Variants in TDP2 observed in about 807,000 individuals in gnomAD.
TDP2 encodes the protein tyrosyl-DNA phosphodiesterase 2, also known as 5'-Tyr-DNA phosphodiesterase.
A neutral mutation model predicts 42.8 loss-of-function variants in TDP2; 38 were observed. The observed-to-expected ratio is 0.89, with a 90% CI of 0.68 to 1.16. The LOEUF (loss-of-function observed/expected upper bound fraction) is 1.16. TDP2 is among the 50% of genes most tolerant of loss of function. TDP2 has a pLI of 0.00. For synonymous variants in TDP2, 173 were observed against 150.6 expected (o/e 1.15, Z -1.09); for missense variants, 439 against 439.3 (o/e 1.00, Z 0.01).
At chr6:24,666,136 C>A in intron 2 of TDP2, 4 of 1,548,918 alleles carry the variant, frequency 2.6e-6, no homozygotes, top group South Asian at 2.4e-5. Context: ...TCTGGCCGGT[C>A]AGCCTAGGGC....
In TDP2 at chr6:24,658,572, G is replaced by C; in HGVS notation, c.414C>G (p.Ser138=). ...GTGATAATACTTACAAAGCTAAGTA[G>C]GAACACACCCCTCGAGCCCTCTCTG... ...NLSERARGVC[S]YLALYSPDVI... is the part of the protein sequence containing the mutation. Residue 138 remains serine (S), a synonymous_variant, in exon 3 of 7, where the codon TCC becomes TCG. Coordinates refer to ENST00000378198, the MANE Select transcript of TDP2 (RefSeq NM_016614.3). 3 of 1,610,160 alleles carry C rather than the reference G, an allele frequency of 1.9e-6. No homozygotes were observed. The highest frequency in any genetic ancestry group is 2.5e-6 in the Non-Finnish European group (3 of 1,178,320).
intron 2 of TDP2, chr6:24,659,216 C>G (rs1778103224): frequency 6.6e-6 from 1 of 152,386 alleles, no homozygotes; most frequent in Non-Finnish European, 1.5e-5. Flanking sequence ...ACACCTTGGT[C>G]CACTCCAAAC....
At chr6:24,663,320 A>AT (rs1437854236) in intron 2 of TDP2, among the ~76,000 whole-genome samples, 1 of 146,634 alleles carries the variant, frequency 6.8e-6, no homozygotes, top group Non-Finnish European at 1.5e-5. Context: ...CCATATTACT[A>AT]TCCCCACTGC....
chr6:24,659,245 C>T (rs138667835), intron 2 of TDP2: 4 of 152,264 alleles, frequency 2.6e-5, no homozygotes, highest in Non-Finnish European at 4.4e-5. Flanking sequence ...GTCTCAAGCT[C>T]CAAACTTCTC....
intron 2 of TDP2, 51 bp downstream of exon 2, chr6:24,666,475 G>A (rs1442875799): frequency 1.9e-6 from 3 of 1,576,492 alleles, no homozygotes; most frequent in South Asian, 1.1e-5. Context: ...AGGGCTACCT[G>A]GTATCAAACT....
At chr6:24,656,935 G>A (rs1778069024) in intron 4 of TDP2, among the ~76,000 whole-genome samples, 1 of 152,120 alleles carries the variant, frequency 6.6e-6, no homozygotes, top group Non-Finnish European at 1.5e-5. Context: ...ATCCCCAAGA[G>A]AATACAAAAT....
At position 24,651,003 on chromosome 6, in the gene TDP2, G is replaced by A; in HGVS notation, c.874C>T (p.His292Tyr). The A allele has an allele frequency of 2.5e-6, 4 of 1,613,654 alleles. No homozygotes were observed. Among genetic ancestry groups the A allele is most frequent in the Non-Finnish European group, 3.4e-6 (4 of 1,179,894 alleles). ...TGTGTATCCCATGTATACTGGCAATGTTTAGGTTTGCCCAAAAACTCCCAG... is the reference window on the plus strand; with the variant it reads ...TGTGTATCCCATGTATACTGGCAATATTTAGGTTTGCCCAAAAACTCCCAG... ...DVWEFLGKPKHCQYTWDTQMN... is the reference protein window; with the variant it reads ...DVWEFLGKPKYCQYTWDTQMN... The change falls in exon 7 of 7, where the codon CAT (histidine) becomes TAT (tyrosine). Residue 292 changes from histidine to tyrosine, a missense_variant. Transcript: ENST00000378198.
chr6:24,655,117 ATT>A (rs1019224620), intron 4 of TDP2, among the ~76,000 whole-genome samples: 4 of 152,240 alleles, frequency 2.6e-5, no homozygotes, highest in African/African-American at 9.6e-5. Flanking sequence ...AGATGAGAAA[ATT>A]TGAGAAATTT....
At chr6:24,656,703 T>G (rs534940377) in intron 4 of TDP2, among the ~76,000 whole-genome samples, 1 of 152,202 alleles carries the variant, frequency 6.6e-6, no homozygotes, top group South Asian at 2.1e-4. Flanking sequence ...CATTGAAGAA[T>G]GCCTTCAGAA....
At chr6:24,664,206 A>T (rs1190619190) in intron 2 of TDP2, among the ~76,000 whole-genome samples, 3 of 152,078 alleles carry the variant, frequency 2.0e-5, no homozygotes, top group African/African-American at 7.2e-5. Context: ...AAGATTCTGC[A>T]TGTCTAACAA....
intron 6 of TDP2, 60 bp downstream of exon 6, chr6:24,652,923 C>T: frequency 2.5e-6 from 4 of 1,585,664 alleles, no homozygotes; most frequent in Non-Finnish European, 2.6e-6. Flanking sequence ...TCAAAGGAAC[C>T]TAAATTAGTC....
At position 24,650,466 on chromosome 6, in the gene TDP2, T is replaced by C. The variant is rs1278907531; in HGVS notation, c.*322A>G. 4.2e-6 allele frequency: 1 copy of C among 238,436 alleles called. No homozygotes were observed. The highest frequency in any genetic ancestry group is 8.1e-6 in the Non-Finnish European group (1 of 123,880). The allele number at this position is 238,436 out of a possible 1,614,324, so 14.8% of individuals were successfully genotyped here. Reference sequence around the variant, plus strand: ...TTCAAATATTAACTATTTCGGTGCCTGAATGGAAAAATATAAACATTAGCT... The same window carrying C: ...TTCAAATATTAACTATTTCGGTGCCCGAATGGAAAAATATAAACATTAGCT... On this transcript the variant is annotated 3_prime_UTR_variant, in exon 7 of 7. Coordinates refer to ENST00000378198, the MANE Select transcript of TDP2 (RefSeq NM_016614.3).
chr6:24,658,996 C>A, intron 2 of TDP2: 1 of 323,540 alleles, frequency 3.1e-6, no homozygotes, highest in South Asian at 8.2e-5. Flanking sequence ...ATCCCCATTG[C>A]TCCTATGGGT....
At chr6:24,661,483 T>G (rs1431161936) in intron 2 of TDP2, among the ~76,000 whole-genome samples, 1 of 152,238 alleles carries the variant, frequency 6.6e-6, no homozygotes, top group Non-Finnish European at 1.5e-5. Flanking sequence ...TGGCTCATCT[T>G]GTACTTTTTT....
At chr6:24,660,483 T>G (rs768550395) in intron 2 of TDP2, among the ~76,000 whole-genome samples, 5 of 152,210 alleles carry the variant, frequency 3.3e-5, no homozygotes, top group Non-Finnish European at 7.3e-5. Flanking sequence ...TAAAAATACC[T>G]AATATAGAAA....
intron 2 of TDP2, chr6:24,666,131 C>A (rs575141333): frequency 6.5e-6 from 10 of 1,548,610 alleles, no homozygotes; most frequent in Middle Eastern, 1.7e-4. Context: ...GTTATTCTGG[C>A]CGGTCAGCCT....
intron 4 of TDP2, among the ~76,000 whole-genome samples, chr6:24,655,136 GAC>G (rs965877770): frequency 1.2e-4 from 19 of 152,178 alleles, no homozygotes; most frequent in African/African-American, 4.6e-4. Flanking sequence ...ATTTCTGAAA[GAC>G]ACAGAGTAGA....
rs974665990 is a variant in TDP2, at chr6:24,659,922, T to C, written c.252-1188A>G. 7.2e-5 allele frequency among the ~76,000 whole-genome samples: 11 copies of C among 152,272 alleles called. No homozygotes were observed. The East Asian group carries it at 1.4e-3, about 19-fold the overall frequency. ...AAGTCCAACCACCCTGAGACTGCCA[T>C]GCTGGAAAGGACATATGTATGTGTT... is the stretch of plus-strand genomic sequence containing the variant. On this transcript the variant is annotated intron_variant, in intron 2 of 6. Coordinates refer to ENST00000378198, the MANE Select transcript of TDP2 (RefSeq NM_016614.3).
chr6:24,663,974 C>T lies in TDP2; in HGVS notation c.251+2552G>A, dbSNP rs150867443. On this transcript the variant is annotated intron_variant, in intron 2 of 6. Coordinates refer to ENST00000378198, the MANE Select transcript of TDP2 (RefSeq NM_016614.3). Reference sequence around the variant, plus strand: ...TTGGAAAAATGAAAAGGGAAATAAACTCTAAAACGTTGCTGTACAGAAATA... The same window carrying T: ...TTGGAAAAATGAAAAGGGAAATAAATTCTAAAACGTTGCTGTACAGAAATA... Among the ~76,000 whole-genome samples the T allele has an allele frequency of 2.0e-3, 310 of 152,246 alleles. 1 individual carries two copies. The highest frequency in any genetic ancestry group is 7.3e-3 in the African/African-American group (302 of 41,538).
Sources: gnomAD v4.1 joint callset for allele counts (sites outside exome capture counted in the v4.1 genomes callset) on GRCh38, gnomAD v4.1.1 for gene constraint, MANE v1.5 for transcripts, NCBI Gene and HGNC (gene_info 2026-07-23, HGNC 2026-07-21) for gene names.